STS: variants seen among roughly 807,000 people sequenced by gnomAD.
The protein encoded by STS is steroid sulfatase.
STS carries 7 observed loss-of-function variants against 26.8 expected under a neutral mutation model. The observed-to-expected ratio is 0.26, with a 90% CI of 0.15 to 0.49. The LOEUF (loss-of-function observed/expected upper bound fraction) is 0.49, where lower values mean the gene tolerates loss of function less well. Among genes scored for constraint, STS ranks in the 20% least tolerant of loss-of-function variants. The pLI, the probability that STS is intolerant of heterozygous loss-of-function variation, is 0.98. For missense variants in STS, 434 were observed against 465.6 expected, an observed-to-expected ratio of 0.93 and a Z score of 0.63; for synonymous variants, 199 against 189.4, an observed-to-expected ratio of 1.05 and a Z score of -0.42.
chrX:7,347,470 A>G (rs774101695), intron 10 of STS, among the ~76,000 whole-genome samples: 1 of 112,202 alleles, frequency 8.9e-6, no homozygotes, highest in African/African-American at 3.2e-5. Context: ...ACCCAGCAAC[A>G]CCACTGCCAT....
Position 7,350,123 on chromosome X carries a change from C to T in STS, c.1599C>T (p.Thr533=). Residue 533 remains threonine (T), a synonymous_variant, in exon 11 of 11, where the codon ACC becomes ACT. Coordinates refer to ENST00000674429, the MANE Select transcript of STS (RefSeq NM_001320752.2). ...TGCAGGAAGCTGCGGACAGACACAC[C>T]CAGACCCTGCCAGAGGTGCCCGATC... The part of the protein sequence containing the change: ...KVMQEAADRH[T]QTLPEVPDQF... 1.7e-6 allele frequency: 2 copies of T among 1,211,905 alleles called. No homozygotes were observed. Among genetic ancestry groups the T allele is most frequent in the Non-Finnish European group, 1.1e-6 (1 of 895,464 alleles).
chrX:7,209,753 C>T (rs773747697), intron 2 of STS, among the ~76,000 whole-genome samples: 6 of 108,934 alleles, frequency 5.5e-5, no homozygotes, highest in Admixed American at 5.0e-4. Flanking sequence ...ACCTATTGAC[C>T]CATCCTCTAA....
intron 7 of STS, among the ~76,000 whole-genome samples, chrX:7,304,527 A>G (rs969175147): frequency 1.8e-5 from 2 of 111,472 alleles, no homozygotes; most frequent in Non-Finnish European, 3.8e-5. Flanking sequence ...CATGTGAGGG[A>G]TAGTTTAGAT....
intron 2 of STS, among the ~76,000 whole-genome samples, chrX:7,198,342 G>T (rs1934008446): frequency 9.0e-6 from 1 of 111,112 alleles, no homozygotes; most frequent in African/African-American, 3.3e-5. Flanking sequence ...AACTGATTGA[G>T]GCAGATTCCT....
At chrX:7,274,538 C>T (rs1924436586) in intron 6 of STS, among the ~76,000 whole-genome samples, 1 of 112,118 alleles carries the variant, frequency 8.9e-6, no homozygotes. Context: ...CAGAGGGCAA[C>T]CCGATGTGAA....
intron 9 of STS, among the ~76,000 whole-genome samples, chrX:7,329,373 G>A (rs1355587498): frequency 8.9e-6 from 1 of 111,947 alleles, no homozygotes; most frequent in Non-Finnish European, 1.9e-5. Flanking sequence ...TGTCAGCGGT[G>A]CTGACGTCGA....
intron 2 of STS, among the ~76,000 whole-genome samples, chrX:7,244,722 A>G (rs758551530): frequency 2.0e-4 from 22 of 111,272 alleles, no homozygotes; most frequent in Non-Finnish European, 3.8e-4. Context: ...GGATGGTGCT[A>G]AGCATCTTAC....
intron 9 of STS, among the ~76,000 whole-genome samples, chrX:7,325,782 G>C (rs1422596222): frequency 8.9e-6 from 1 of 112,197 alleles, no homozygotes; most frequent in African/African-American, 3.2e-5. Context: ...AGTAGGATTG[G>C]AGGGAAAGGT....
intron 2 of STS, among the ~76,000 whole-genome samples, chrX:7,231,718 A>G (rs1365957372): frequency 3.6e-5 from 4 of 111,197 alleles, no homozygotes; most frequent in Non-Finnish European, 1.9e-5. Context: ...ACACAGCACA[A>G]GCACCATCCT....
intron 7 of STS, 104 bp downstream of exon 7, chrX:7,276,191 A>G: frequency 9.5e-7 from 1 of 1,057,651 alleles, no homozygotes; most frequent in Non-Finnish European, 1.3e-6. Context: ...CTTTAGAGAC[A>G]GCAAATGTAT....
chrX:7,274,729 G>A (rs909539596), intron 6 of STS, among the ~76,000 whole-genome samples: 2 of 112,133 alleles, frequency 1.8e-5, no homozygotes, highest in Non-Finnish European at 3.8e-5. Context: ...GGTGCTCTCT[G>A]AATTAAGGAA....
At position 7,152,047 on chromosome X, in the gene STS, G is replaced by C. The variant is rs1241248559; in HGVS notation, c.-134+3964G>C. 2.7e-5 allele frequency among the ~76,000 whole-genome samples: 3 copies of C among 111,118 alleles called. No homozygotes were observed. In the Admixed American group the frequency reaches 2.8e-4, roughly 11 times the overall value. On this transcript the variant is annotated intron_variant, in intron 1 of 10. Transcript: ENST00000674429. The stretch of plus-strand genomic sequence containing the variant: ...GGCTCACTGCAAGCTCCGCCTCTCG[G>C]GTTCACGCCGTTCTCCTGCCTCAGC...
intron 1 of STS, among the ~76,000 whole-genome samples, chrX:7,162,383 G>T (rs1446343407): frequency 1.8e-5 from 2 of 111,514 alleles, no homozygotes; most frequent in Non-Finnish European, 3.8e-5. Flanking sequence ...AGAAGGAAGT[G>T]CAGGGCAGAG....
At position 7,282,773 on chromosome X, in the gene STS, G is replaced by A. The variant is rs548176490; in HGVS notation, c.943+6686G>A. On this transcript the variant is annotated intron_variant, in intron 7 of 10. Coordinates refer to ENST00000674429, the MANE Select transcript of STS (RefSeq NM_001320752.2). The stretch of plus-strand genomic sequence containing the variant: ...GAAGTTTTAAAAGTGAAAGTATGGC[G>A]GTCAGGTGCCTGATATTTGCAAAGC... Among the ~76,000 whole-genome samples, 14 of 112,172 alleles carry A rather than the reference G, an allele frequency of 1.2e-4. No homozygotes were observed. The South Asian group carries it at 2.6e-3, about 21-fold the overall frequency.
chrX:7,153,439 C>T (rs752250765), intron 1 of STS, among the ~76,000 whole-genome samples: 4 of 103,141 alleles, frequency 3.9e-5, no homozygotes, highest in Non-Finnish European at 7.9e-5. Flanking sequence ...TTGACTCCTT[C>T]CCTCTCTCCT....
At chrX:7,221,216 A>C (rs1921550728) in intron 2 of STS, among the ~76,000 whole-genome samples, 1 of 112,332 alleles carries the variant, frequency 8.9e-6, no homozygotes, top group African/African-American at 3.2e-5. Flanking sequence ...ATTGCATTTA[A>C]TTTTGTGACT....
At chrX:7,246,178 C>T (rs1922859730) in intron 2 of STS, among the ~76,000 whole-genome samples, 1 of 110,867 alleles carries the variant, frequency 9.0e-6, no homozygotes, top group Non-Finnish European at 1.9e-5. Flanking sequence ...TGAGCCTAGC[C>T]GTAAAAAAAC....
chrX:7,175,215 G>A (rs1226388265), intron 1 of STS, among the ~76,000 whole-genome samples: 1 of 100,849 alleles, frequency 9.9e-6, no homozygotes, highest in Non-Finnish European at 2.0e-5. Context: ...GCCAGATGCA[G>A]TGACTCATGT....
At chrX:7,259,831 G>T in intron 6 of STS, 59 bp downstream of exon 6, 1 of 1,159,599 alleles carries the variant, frequency 8.6e-7, no homozygotes, top group Non-Finnish European at 1.2e-6. Flanking sequence ...GTTATTTCTC[G>T]TGGAGGTGGA....
Sources: allele counts gnomAD v4.1 joint callset (sites outside exome capture counted in the v4.1 genomes callset), GRCh38; gene constraint gnomAD v4.1.1; transcripts MANE v1.5; gene names NCBI Gene and HGNC (gene_info 2026-07-23, HGNC 2026-07-21).